RIC1: variants seen among roughly 807,000 people sequenced by gnomAD.
RIC1 encodes guanine nucleotide exchange factor subunit RIC1.
RIC1 carries 88 observed loss-of-function variants against 169.0 expected under a neutral mutation model. The ratio of observed to expected loss-of-function variants is 0.52; its 90% CI spans 0.44 to 0.62. RIC1 has a LOEUF of 0.62. Ranked by LOEUF, RIC1 falls within the 20% of genes least tolerant of loss-of-function variation. The probability of loss-of-function intolerance (pLI) is 0.00; values close to 1 mark genes in which losing one functional copy is unlikely to be tolerated. For synonymous variants in RIC1, 790 were observed against 601.5 expected, an observed-to-expected ratio of 1.31 and a Z score of -4.59; for missense variants, 1,877 against 1,725.5, an observed-to-expected ratio of 1.09 and a Z score of -1.56.
intron 12 of RIC1, among the ~76,000 whole-genome samples, chr9:5,752,717 T>A (rs985974638): frequency 7.2e-5 from 11 of 152,204 alleles, no homozygotes; most frequent in African/African-American, 2.7e-4. Context: ...ATTACAGGCG[T>A]GAGCAACCAC....
intron 2 of RIC1, among the ~76,000 whole-genome samples, chr9:5,665,947 G>A (rs1386594373): frequency 6.6e-6 from 1 of 152,184 alleles, no homozygotes; most frequent in East Asian, 1.9e-4. Flanking sequence ...AAGCAGTCTG[G>A]CTGCAGCAGG....
chr9:5,733,876 T>C (rs1173230949), intron 7 of RIC1, among the ~76,000 whole-genome samples: 1 of 151,670 alleles, frequency 6.6e-6, no homozygotes, highest in African/African-American at 2.4e-5. Context: ...TAAAGCAAGT[T>C]ATGAGAATCC....
At chr9:5,740,025 T>G (rs1824978135) in intron 8 of RIC1, among the ~76,000 whole-genome samples, 1 of 152,224 alleles carries the variant, frequency 6.6e-6, no homozygotes, top group South Asian at 2.1e-4. Flanking sequence ...CAGGGCAATC[T>G]TAGCAGTTTT....
At chr9:5,762,865 A>T (rs1039197734) in intron 18 of RIC1, among the ~76,000 whole-genome samples, 1 of 152,218 alleles carries the variant, frequency 6.6e-6, no homozygotes. Context: ...CATACTCCAT[A>T]TGTTAACTGC....
intron 12 of RIC1, among the ~76,000 whole-genome samples, chr9:5,751,673 T>C (rs887218841): frequency 6.6e-6 from 1 of 152,186 alleles, no homozygotes; most frequent in Non-Finnish European, 1.5e-5. Flanking sequence ...ATTTTATTAA[T>C]TTATTAAGCT....
chr9:5,722,183 C>T (rs1823636867), intron 6 of RIC1, among the ~76,000 whole-genome samples: 1 of 151,512 alleles, frequency 6.6e-6, no homozygotes, highest in African/African-American at 2.4e-5. Context: ...CCATGGTGCC[C>T]AGCCCATTTC....
At chr9:5,769,393 CAT>C (rs1451026273) in intron 22 of RIC1, 137 bp downstream of exon 22, 20 of 1,584,562 alleles carry the variant, frequency 1.3e-5, no homozygotes, top group Middle Eastern at 1.7e-4. Context: ...ACTTTTTGTA[CAT>C]GAGTTGGAAT....
intron 6 of RIC1, among the ~76,000 whole-genome samples, chr9:5,730,887 T>C (rs1824332747): frequency 6.6e-6 from 1 of 152,148 alleles, no homozygotes; most frequent in Non-Finnish European, 1.5e-5. Context: ...TTACCACATA[T>C]ACTACTTTCC....
At position 5,748,884 on chromosome 9, in the gene RIC1, T is replaced by C. The variant is rs543305356; in HGVS notation, c.1452+1379T>C. On this transcript the variant is annotated intron_variant, in intron 12 of 25. Coordinates refer to ENST00000414202, the MANE Select transcript of RIC1 (RefSeq NM_020829.4). The stretch of plus-strand genomic sequence containing the variant: ...GGGTACTAGCAAGATTCCACTGTTA[T>C]TCTGTTCTTTAGATAGCTAAAGATA... Among the ~76,000 whole-genome samples the C allele has an allele frequency of 7.7e-4, 118 of 152,366 alleles. 1 individual carries two copies. The highest frequency in any genetic ancestry group is 2.7e-3 in the African/African-American group (113 of 41,594).
chr9:5,638,511 A>G (rs1027250834), intron 1 of RIC1, among the ~76,000 whole-genome samples: 10 of 152,122 alleles, frequency 6.6e-5, no homozygotes, highest in East Asian at 5.8e-4. Context: ...TACAGGTTCA[A>G]TCTCACTGTT....
At chr9:5,707,948 T>C (rs1357999894) in intron 3 of RIC1, among the ~76,000 whole-genome samples, 1 of 152,166 alleles carries the variant, frequency 6.6e-6, no homozygotes, top group Non-Finnish European at 1.5e-5. Context: ...TTTTTTGTCC[T>C]GGGTTCCTCC....
At chr9:5,690,515 C>T (rs1010344656) in intron 3 of RIC1, among the ~76,000 whole-genome samples, 1 of 150,984 alleles carries the variant, frequency 6.6e-6, no homozygotes, top group African/African-American at 2.4e-5. Context: ...TTCCTTATAG[C>T]AGGCCTTAAC....
intron 2 of RIC1, among the ~76,000 whole-genome samples, chr9:5,680,053 G>A (rs1026917361): frequency 2.0e-5 from 3 of 152,240 alleles, no homozygotes; most frequent in Non-Finnish European, 1.5e-5. Flanking sequence ...AGCATGAAGG[G>A]TTGTTGAATT....
At chr9:5,701,194 G>A (rs1187969132) in intron 3 of RIC1, among the ~76,000 whole-genome samples, 1 of 151,920 alleles carries the variant, frequency 6.6e-6, no homozygotes, top group African/African-American at 2.4e-5. Context: ...AGCTCTGAAT[G>A]TTTTTTTTCT....
intron 3 of RIC1, among the ~76,000 whole-genome samples, chr9:5,707,850 A>G (rs1822687486): frequency 6.6e-6 from 1 of 152,104 alleles, no homozygotes; most frequent in Non-Finnish European, 1.5e-5. Context: ...CCTTTTAATG[A>G]ATGCATTTAA....
At chr9:5,689,848 G>T in intron 2 of RIC1, 111 bp from the exon 3 acceptor site, 1 of 643,954 alleles carries the variant, frequency 1.6e-6, no homozygotes, top group South Asian at 2.1e-5. Context: ...CTCCAAGGGA[G>T]GGTATTGGAG....
chr9:5,681,346 A>G (rs980518501), intron 2 of RIC1, among the ~76,000 whole-genome samples: 9 of 152,032 alleles, frequency 5.9e-5, no homozygotes, highest in South Asian at 2.1e-4. Context: ...TGTCCCAGAG[A>G]TTCTGGTTAT....
chr9:5,687,993 C>A (rs1474154247), intron 2 of RIC1, among the ~76,000 whole-genome samples: 2 of 152,096 alleles, frequency 1.3e-5, no homozygotes, highest in Admixed American at 1.3e-4. Context: ...ACCTGTCATT[C>A]ATCCAGCCAA....
intron 2 of RIC1, among the ~76,000 whole-genome samples, chr9:5,683,681 A>G (rs369722179): frequency 2.6e-5 from 4 of 152,196 alleles, no homozygotes; most frequent in African/African-American, 9.7e-5. Context: ...GCTGTCAGAC[A>G]GGGACATTTA....
Sources: allele counts gnomAD v4.1 joint callset (sites outside exome capture counted in the v4.1 genomes callset), GRCh38; gene constraint gnomAD v4.1.1; transcripts MANE v1.5; gene names NCBI Gene and HGNC (gene_info 2026-07-23, HGNC 2026-07-21).